FARS2: variants seen among roughly 807,000 people sequenced by gnomAD.
FARS2 encodes phenylalanine--tRNA ligase, mitochondrial.
A neutral mutation model predicts 46.4 loss-of-function variants in FARS2; 40 were observed. The ratio of observed to expected loss-of-function variants is 0.86; its 90% CI spans 0.67 to 1.12. The LOEUF is 1.12. FARS2 is among the 50% of genes most tolerant of loss of function. The pLI is 0.00. For missense variants in FARS2, 513 were observed against 567.9 expected, an observed-to-expected ratio of 0.90 and a Z score of 0.98; for synonymous variants, 234 against 214.9, an observed-to-expected ratio of 1.09 and a Z score of -0.78.
intron 4 of FARS2, among the ~76,000 whole-genome samples, chr6:5,438,205 G>A (rs1054462572): frequency 2.6e-4 from 38 of 143,482 alleles, no homozygotes; most frequent in African/African-American, 8.2e-4. Context: ...ATTTTTTACT[G>A]TGCTGTCTTT....
At chr6:5,722,164 C>T (rs532357049) in intron 6 of FARS2, among the ~76,000 whole-genome samples, 5 of 152,280 alleles carry the variant, frequency 3.3e-5, no homozygotes, top group South Asian at 4.2e-4. Flanking sequence ...ACCTTGATCC[C>T]AGCTAAGGCA....
chr6:5,558,706 T>G (rs1771813939), intron 5 of FARS2, among the ~76,000 whole-genome samples: 1 of 151,808 alleles, frequency 6.6e-6, no homozygotes, highest in African/African-American at 2.4e-5. Context: ...CCAGCTTATT[T>G]TTTTATTTTT....
At chr6:5,399,546 A>G (rs1761128544) in intron 2 of FARS2, among the ~76,000 whole-genome samples, 1 of 152,134 alleles carries the variant, frequency 6.6e-6, no homozygotes, top group South Asian at 2.1e-4. Flanking sequence ...CTTAGAGGTC[A>G]TGACCCCCAC....
At chr6:5,403,118 C>T (rs773534636) in intron 2 of FARS2, among the ~76,000 whole-genome samples, 5 of 152,214 alleles carry the variant, frequency 3.3e-5, no homozygotes, top group African/African-American at 4.8e-5. Flanking sequence ...TGACAGCCGT[C>T]ATTGTCTTTA....
chr6:5,643,944 G>C lies in FARS2; in HGVS notation c.1217+30624G>C, dbSNP rs1236352395. 2.6e-5 allele frequency among the ~76,000 whole-genome samples: 4 copies of C among 152,322 alleles called. No homozygotes were observed. The South Asian group carries it at 8.3e-4, about 32-fold the overall frequency. On this transcript the variant is annotated intron_variant, in intron 6 of 6. Transcript: ENST00000274680. ...AGAAGCTAGAAGAGGCTTTTGGCCT[G>C]ACAGTGCTTGCTGGGGCATTTACTG... is the stretch of plus-strand genomic sequence containing the variant.
chr6:5,687,415 A>G (rs1232540468), intron 6 of FARS2, among the ~76,000 whole-genome samples: 1 of 152,202 alleles, frequency 6.6e-6, no homozygotes, highest in Non-Finnish European at 1.5e-5. Context: ...CTTTCTACAT[A>G]TGGCTAGCCA....
In FARS2 at chr6:5,765,747, G is replaced by A. The variant is rs930282968; in HGVS notation, c.1218-5544G>A. ...CTAGGGAACAGTCCTTTGCTCAGCC[G>A]GCTCCTGGGTTTCTGCAGGACCTCA... On this transcript the variant is annotated intron_variant, in intron 6 of 6. Transcript: ENST00000274680. This position sits in a 1 kb window ranked among gnomAD's most constrained non-coding sequence, Gnocchi z 4.0. Among the ~76,000 whole-genome samples the A allele has an allele frequency of 1.3e-5, 2 of 152,164 alleles. No individual in the cohort carries two copies. Among genetic ancestry groups the A allele is most frequent in the East Asian group, 3.8e-4 (2 of 5,196 alleles).
Position 5,764,800 on chromosome 6 carries a change from G to A in FARS2, c.1218-6491G>A, listed in dbSNP as rs1762664977. ...GTGCAGAGCCTGTTTGGTTGCCAGGGTAAACCAAGTGGTTGTATGATAGAG... is the reference window on the plus strand; with the variant it reads ...GTGCAGAGCCTGTTTGGTTGCCAGGATAAACCAAGTGGTTGTATGATAGAG... On this transcript the variant is annotated intron_variant, in intron 6 of 6. Transcript: ENST00000274680. The surrounding 1 kb of genome is among the most constrained non-coding windows in gnomAD (Gnocchi z 4.1). Among the ~76,000 whole-genome samples the A allele has an allele frequency of 1.3e-5, 2 of 152,172 alleles. No individual in the cohort carries two copies. Among genetic ancestry groups the A allele is most frequent in the Non-Finnish European group, 2.9e-5 (2 of 68,038 alleles).
At chr6:5,588,080 C>T (rs1773714777) in intron 5 of FARS2, among the ~76,000 whole-genome samples, 1 of 152,006 alleles carries the variant, frequency 6.6e-6, no homozygotes, top group South Asian at 2.1e-4. Flanking sequence ...ACAGCTAGGC[C>T]TCTTCATAAT....
At chr6:5,669,103 A>G (rs1467009997) in intron 6 of FARS2, among the ~76,000 whole-genome samples, 1 of 152,190 alleles carries the variant, frequency 6.6e-6, no homozygotes, top group East Asian at 1.9e-4. Flanking sequence ...TAATCAATAT[A>G]AGGTACCTAG....
chr6:5,535,984 A>G (rs2150471779), intron 4 of FARS2, among the ~76,000 whole-genome samples: 1 of 150,930 alleles, frequency 6.6e-6, no homozygotes, highest in South Asian at 2.1e-4. Flanking sequence ...AGATATTGGT[A>G]TGTGGCTTTC....
chr6:5,305,364 G>A (rs1768623835), intron 1 of FARS2, among the ~76,000 whole-genome samples: 1 of 152,142 alleles, frequency 6.6e-6, no homozygotes, highest in Non-Finnish European at 1.5e-5. Flanking sequence ...GAATGAATGA[G>A]GGAAAATACT....
chr6:5,669,389 T>G (rs1214267799), intron 6 of FARS2, among the ~76,000 whole-genome samples: 2 of 118,206 alleles, frequency 1.7e-5, no homozygotes, highest in Admixed American at 1.9e-4. Context: ...ACCCCCCCGC[T>G]GCCTATAAAA....
At chr6:5,637,812 G>C (rs954752508) in intron 6 of FARS2, among the ~76,000 whole-genome samples, 1 of 152,120 alleles carries the variant, frequency 6.6e-6, no homozygotes. Flanking sequence ...TCCCCGCTCC[G>C]TATGTGTCTG....
intron 4 of FARS2, among the ~76,000 whole-genome samples, chr6:5,529,665 A>G (rs115331063): frequency 0.028 from 4,266 of 152,260 alleles, 171 homozygotes; most frequent in African/African-American, 0.097. Context: ...GCAGCTGAAC[A>G]GACTTTGCAA....
At chr6:5,662,968 T>A (rs1014779094) in intron 6 of FARS2, among the ~76,000 whole-genome samples, 4 of 152,182 alleles carry the variant, frequency 2.6e-5, no homozygotes, top group African/African-American at 4.8e-5. Flanking sequence ...CTTAATAAAT[T>A]CTATGATAGC....
chr6:5,634,106 TTTCTC>T (rs954019472), intron 6 of FARS2, among the ~76,000 whole-genome samples: 3 of 152,178 alleles, frequency 2.0e-5, no homozygotes, highest in African/African-American at 4.8e-5. Context: ...TTACTTACAT[TTTCTC>T]TTAAGTTGTT....
At chr6:5,306,336 G>A (rs1204464054) in intron 1 of FARS2, among the ~76,000 whole-genome samples, 1 of 152,180 alleles carries the variant, frequency 6.6e-6, no homozygotes, top group African/African-American at 2.4e-5. Flanking sequence ...AGGAGACAAA[G>A]CAGGAAAGAG....
At position 5,263,390 on chromosome 6, in the gene FARS2, A is replaced by G. The variant is rs557920719; in HGVS notation, c.-22+1730A>G. Among the ~76,000 whole-genome samples, 20 of 152,358 alleles carry G rather than the reference A, an allele frequency of 1.3e-4. No homozygotes were observed. In the South Asian group the frequency reaches 3.7e-3, roughly 28 times the overall value. On this transcript the variant is annotated intron_variant, in intron 1 of 6. Transcript: ENST00000274680. ...CCAGTTAATTCTGAGCCAAGTCTTC[A>G]TAAAAATACCTTATTATTTTATTTA...
Sources: allele counts gnomAD v4.1 joint callset (sites outside exome capture counted in the v4.1 genomes callset), GRCh38; gene constraint gnomAD v4.1.1; non-coding constraint Gnocchi (gnomAD v3.1); transcripts MANE v1.5; gene names NCBI Gene and HGNC (gene_info 2026-07-23, HGNC 2026-07-21).